Variants in FBN2 observed in about 807,000 individuals in gnomAD.
FBN2 encodes the protein fibrillin 2.
A neutral mutation model predicts 355.6 loss-of-function variants in FBN2; 105 were observed. That is an observed-to-expected ratio of 0.30 (90% CI 0.25 to 0.35). The LOEUF (loss-of-function observed/expected upper bound fraction) is 0.35. Ranked by LOEUF, FBN2 falls within the 10% of genes least tolerant of loss-of-function variation. The pLI, the probability that FBN2 is intolerant of heterozygous loss-of-function variation, is 1.00. For missense variants in FBN2, 3,280 were observed against 3,758.7 expected (o/e 0.87, Z 3.33); for synonymous variants, 1,350 against 1,301.2 (o/e 1.04, Z -0.81).
chr5:128,425,817 C>T (rs3805653), intron 7 of FBN2, among the ~76,000 whole-genome samples: 25,553 of 152,118 alleles, frequency 0.17, 2,252 homozygotes, highest in Non-Finnish European at 0.21. Context: ...GAGACACATA[C>T]ATGTGCAATT....
At chr5:128,530,563 T>G in intron 3 of FBN2, 32 bp downstream of exon 3, 1 of 1,422,314 alleles carries the variant, frequency 7.0e-7, no homozygotes, top group Non-Finnish European at 9.9e-7. Flanking sequence ...TTAAGAAAAA[T>G]GCAGTGAAAA....
intron 48 of FBN2, 27 bp downstream of exon 48, chr5:128,300,789 TG>T (rs1561757408): frequency 6.2e-7 from 1 of 1,612,072 alleles, no homozygotes; most frequent in African/African-American, 1.3e-5. Flanking sequence ...GAACTACTAG[TG>T]GGCCTCAGAA....
chr5:128,323,797 T>C (rs1441148851), intron 34 of FBN2, among the ~76,000 whole-genome samples: 2 of 152,238 alleles, frequency 1.3e-5, no homozygotes, highest in African/African-American at 4.8e-5. Context: ...AGGATGATGC[T>C]GGCCTCATAA....
At chr5:128,414,433 A>G (rs1262460129) in intron 7 of FBN2, among the ~76,000 whole-genome samples, 1 of 152,140 alleles carries the variant, frequency 6.6e-6, no homozygotes, top group East Asian at 1.9e-4. Context: ...TTCAAGGTTC[A>G]TTCATGTTGG....
chr5:128,480,448 A>G (rs1288767657), intron 5 of FBN2, among the ~76,000 whole-genome samples: 1 of 152,140 alleles, frequency 6.6e-6, no homozygotes, highest in African/African-American at 2.4e-5. Context: ...CATTTGTAGT[A>G]TGGATATAAC....
rs556731061 is a variant in FBN2 at position 128,446,748 on chromosome 5, C to G, written c.827-142G>C. The G allele has an allele frequency of 8.8e-6, 6 of 683,866 alleles. No individual in the cohort carries two copies. In the East Asian group the frequency reaches 1.2e-4, roughly 13 times the overall value. 42.4% of individuals were successfully genotyped at this position (683,866 alleles called of 1,614,324 possible). A position where few individuals can be genotyped will look rare whatever the true frequency, so the allele number is the denominator to read the frequency against. ...AGAGTGGGGTTAGAGAAGTAAAACACCTTTGTATGCATATGTTTTAATTTA... is the reference window on the plus strand; with the variant it reads ...AGAGTGGGGTTAGAGAAGTAAAACAGCTTTGTATGCATATGTTTTAATTTA... On this transcript the variant is annotated intron_variant, in intron 6 of 64. Coordinates refer to ENST00000262464, the MANE Select transcript of FBN2 (RefSeq NM_001999.4).
Position 128,280,094 on chromosome 5 carries a change from G to A in FBN2, c.7138+98C>T. 4.1e-6 allele frequency: 4 copies of A among 979,508 alleles called. No homozygotes were observed. In the South Asian group the frequency reaches 5.3e-5, roughly 13 times the overall value. 60.7% of individuals were successfully genotyped at this position (979,508 alleles called of 1,614,324 possible). On this transcript the variant is annotated intron_variant, in intron 56 of 64. Transcript: ENST00000262464. ...GTGGATTATTGAGATTGGGGGATTTGTTTAGCAGACAAGAATATATATGTG... is the reference window on the plus strand; with the variant it reads ...GTGGATTATTGAGATTGGGGGATTTATTTAGCAGACAAGAATATATATGTG...
intron 5 of FBN2, among the ~76,000 whole-genome samples, chr5:128,507,839 T>C (rs145830040): frequency 1.1e-3 from 161 of 152,158 alleles, no homozygotes; most frequent in Non-Finnish European, 2.0e-3. Flanking sequence ...CCGTATTGAC[T>C]TCTTACCTAC....
intron 48 of FBN2, among the ~76,000 whole-genome samples, chr5:128,293,131 T>C (rs1749375758): frequency 6.6e-6 from 1 of 152,168 alleles, no homozygotes; most frequent in Non-Finnish European, 1.5e-5. Context: ...TCTATGTCTG[T>C]GTATGTGTGT....
At chr5:128,473,663 T>C (rs958251892) in intron 5 of FBN2, among the ~76,000 whole-genome samples, 2 of 152,166 alleles carry the variant, frequency 1.3e-5, no homozygotes, top group African/African-American at 2.4e-5. Flanking sequence ...TGCTAATGAG[T>C]ACTGTCACAA....
intron 62 of FBN2, among the ~76,000 whole-genome samples, chr5:128,264,522 C>T (rs1472603738): frequency 6.6e-6 from 1 of 152,318 alleles, no homozygotes; most frequent in African/African-American, 2.4e-5. Flanking sequence ...ATCATTTTTA[C>T]AAAATCAAAG....
At chr5:128,488,538 A>C (rs1476797627) in intron 5 of FBN2, among the ~76,000 whole-genome samples, 1 of 151,876 alleles carries the variant, frequency 6.6e-6, no homozygotes, top group Non-Finnish European at 1.5e-5. Flanking sequence ...TTTAGGGTAC[A>C]TGTGCACAAT....
At chr5:128,488,386 G>A (rs1373928789) in intron 5 of FBN2, among the ~76,000 whole-genome samples, 2 of 152,070 alleles carry the variant, frequency 1.3e-5, no homozygotes, top group African/African-American at 4.8e-5. Context: ...TTATGGTAGA[G>A]TTTAGCATGA....
intron 34 of FBN2, among the ~76,000 whole-genome samples, chr5:128,321,094 T>C (rs1220610540): frequency 6.6e-6 from 1 of 152,228 alleles, no homozygotes; most frequent in East Asian, 1.9e-4. Context: ...CTGTGTTTCA[T>C]TGCTGATTGT....
chr5:128,472,590 G>C (rs1218968558), intron 5 of FBN2, among the ~76,000 whole-genome samples: 1 of 152,036 alleles, frequency 6.6e-6, no homozygotes, highest in Non-Finnish European at 1.5e-5. Context: ...TTGGGAGTTT[G>C]AGACCAGCCT....
chr5:128,526,929 A>G (rs1239988077), intron 4 of FBN2, among the ~76,000 whole-genome samples: 2 of 152,190 alleles, frequency 1.3e-5, no homozygotes, highest in African/African-American at 4.8e-5. Context: ...TTTCATTGCA[A>G]GAAAAATAAA....
intron 62 of FBN2, among the ~76,000 whole-genome samples, chr5:128,269,327 G>A (rs1372578707): frequency 6.7e-6 from 1 of 148,920 alleles, no homozygotes; most frequent in Non-Finnish European, 1.5e-5. Context: ...AATTAACCAG[G>A]CATGGTGGCA....
chr5:128,376,639 A>G (rs1175989816), intron 14 of FBN2, 92 bp downstream of exon 14: 2 of 1,441,198 alleles, frequency 1.4e-6, no homozygotes, highest in Non-Finnish European at 1.9e-6. Context: ...TGAAAGCCAC[A>G]TGGGGAAGCT....
At chr5:128,421,548 G>C (rs1753350324) in intron 7 of FBN2, among the ~76,000 whole-genome samples, 1 of 152,116 alleles carries the variant, frequency 6.6e-6, no homozygotes, top group Non-Finnish European at 1.5e-5. Flanking sequence ...AAAAATTGTT[G>C]ACTGTCTAGA....
Sources: gnomAD v4.1 joint callset for allele counts (sites outside exome capture counted in the v4.1 genomes callset) on GRCh38, gnomAD v4.1.1 for gene constraint, MANE v1.5 for transcripts, NCBI Gene and HGNC (gene_info 2026-07-23, HGNC 2026-07-21) for gene names.